Variants in MDFIC observed in about 807,000 individuals in gnomAD.
The protein encoded by MDFIC is MyoD family inhibitor domain containing, also known as myoD family inhibitor domain-containing protein.
In MDFIC, 17 loss-of-function variants were observed where a neutral mutation model predicts 23.2. The observed-to-expected ratio is 0.73, with a 90% CI of 0.50 to 1.10. MDFIC has a LOEUF of 1.10. MDFIC is among the 50% of genes least tolerant of loss of function. The pLI, the probability that MDFIC is intolerant of heterozygous loss-of-function variation, is 0.00. For missense variants in MDFIC, 356 were observed against 316.6 expected (o/e 1.12, Z -0.95); for synonymous variants, 120 against 115.2 (o/e 1.04, Z -0.27).
At chr7:114,931,012 T>C (rs1385783336) in intron 2 of MDFIC, among the ~76,000 whole-genome samples, 1 of 152,204 alleles carries the variant, frequency 6.6e-6, no homozygotes, top group Non-Finnish European at 1.5e-5. Flanking sequence ...GTGCTATGTA[T>C]ATGCACCAGT....
chr7:114,969,254 T>A (rs920567154), intron 3 of MDFIC, among the ~76,000 whole-genome samples: 9 of 152,342 alleles, frequency 5.9e-5, no homozygotes, highest in African/African-American at 1.9e-4. Context: ...AGGTGAAGGA[T>A]GAAGTTTATA....
At chr7:114,975,075 T>C (rs1037013110) in intron 3 of MDFIC, among the ~76,000 whole-genome samples, 1 of 152,070 alleles carries the variant, frequency 6.6e-6, no homozygotes, top group Non-Finnish European at 1.5e-5. Context: ...GCTAGTATTA[T>C]GGAGTAAATT....
intron 2 of MDFIC, among the ~76,000 whole-genome samples, chr7:114,931,075 C>G (rs1792299592): frequency 6.6e-6 from 1 of 151,410 alleles, no homozygotes; most frequent in African/African-American, 2.4e-5. Context: ...CCTCCTCCCT[C>G]TCTCTCTCTC....
intron 2 of MDFIC, among the ~76,000 whole-genome samples, chr7:114,928,656 T>A (rs1430062871): frequency 6.6e-6 from 1 of 152,220 alleles, no homozygotes; most frequent in African/African-American, 2.4e-5. Flanking sequence ...AGGGCCCTGA[T>A]TCTCTTGCTG....
chr7:114,937,723 C>T (rs750760483), intron 2 of MDFIC, among the ~76,000 whole-genome samples: 17 of 152,132 alleles, frequency 1.1e-4, no homozygotes, highest in Non-Finnish European at 2.4e-4. Flanking sequence ...TTGCCAGGGA[C>T]CTCGCCTTTT....
intron 4 of MDFIC, among the ~76,000 whole-genome samples, chr7:114,995,762 G>A (rs1486792977): frequency 6.6e-6 from 1 of 152,218 alleles, no homozygotes; most frequent in African/African-American, 2.4e-5. Flanking sequence ...CCTACTGGGG[G>A]GTGCCTCCCA....
chr7:114,987,545 C>T (rs537194620), intron 4 of MDFIC, among the ~76,000 whole-genome samples: 2 of 152,262 alleles, frequency 1.3e-5, no homozygotes, highest in African/African-American at 4.8e-5. Flanking sequence ...CCTTCCATCC[C>T]ATGTTACAAT....
chr7:115,006,669 G>A (rs2709498), intron 4 of MDFIC, among the ~76,000 whole-genome samples: 150,236 of 152,314 alleles, frequency 0.99, 74,126 homozygotes, highest in Middle Eastern at 1. Flanking sequence ...GATTTTTTGG[G>A]TTATTTTTAC....
At chr7:114,993,858 A>G (rs1456734866) in intron 4 of MDFIC, among the ~76,000 whole-genome samples, 4 of 152,150 alleles carry the variant, frequency 2.6e-5, no homozygotes, top group Non-Finnish European at 4.4e-5. Flanking sequence ...GTAGATGTCT[A>G]TTAGGTCTGT....
rs1234457227 is a variant in MDFIC, at chr7:115,016,457, AC to A, written c.*526del. 1.3e-5 allele frequency: 2 copies of A among 155,272 alleles called. No homozygotes were observed. Among genetic ancestry groups the A allele is most frequent in the African/African-American group, 4.8e-5 (2 of 41,376 alleles). The allele number at this position is 155,272 out of a possible 1,614,324, so 9.6% of individuals were successfully genotyped here. ...AGACCAGCCAGGGCAACATGGTGAAACCCCATCTCTACTAAAATACAAAAAG... is the reference window on the plus strand; with the variant it reads ...AGACCAGCCAGGGCAACATGGTGAAACCCATCTCTACTAAAATACAAAAAG... On this transcript the variant is annotated 3_prime_UTR_variant, in exon 5 of 5. Coordinates refer to ENST00000393486, the MANE Select transcript of MDFIC (RefSeq NM_001166345.3).
chr7:114,928,962 T>G (rs2115691013), intron 2 of MDFIC, among the ~76,000 whole-genome samples: 1 of 152,302 alleles, frequency 6.6e-6, no homozygotes, highest in African/African-American at 2.4e-5. Context: ...TTTTACTTAT[T>G]CATCTTTGAA....
intron 2 of MDFIC, among the ~76,000 whole-genome samples, chr7:114,926,889 T>G (rs917551968): frequency 6.6e-6 from 1 of 152,204 alleles, no homozygotes; most frequent in Non-Finnish European, 1.5e-5. Flanking sequence ...ATCCTTTTGA[T>G]TAAGGATGGC....
At chr7:114,930,610 T>A (rs922376925) in intron 2 of MDFIC, among the ~76,000 whole-genome samples, 1 of 152,202 alleles carries the variant, frequency 6.6e-6, no homozygotes, top group African/African-American at 2.4e-5. Context: ...CTTGTTGAGA[T>A]GATTTCATGG....
chr7:114,923,530 T>C (rs1393101797), intron 2 of MDFIC: 1 of 1,537,400 alleles, frequency 6.5e-7, no homozygotes, highest in Non-Finnish European at 8.7e-7. Flanking sequence ...CATCTTTCTG[T>C]TTCTTGTTGG....
chr7:114,982,899 G>A (rs1471480436), intron 4 of MDFIC, among the ~76,000 whole-genome samples: 1 of 152,174 alleles, frequency 6.6e-6, no homozygotes, highest in Admixed American at 6.5e-5. Context: ...TCACATGGCG[G>A]AAAGCAGAAG....
At chr7:114,997,028 G>A (rs1791347439) in intron 4 of MDFIC, among the ~76,000 whole-genome samples, 1 of 152,200 alleles carries the variant, frequency 6.6e-6, no homozygotes, top group African/African-American at 2.4e-5. Flanking sequence ...AAAAGCAACT[G>A]AGAAATCCAG....
chr7:115,005,083 A>G (rs994765720), intron 4 of MDFIC, among the ~76,000 whole-genome samples: 3 of 152,258 alleles, frequency 2.0e-5, no homozygotes, highest in South Asian at 2.1e-4. Context: ...AGATTTAACT[A>G]TCTATTAGTT....
At chr7:114,931,986 C>T (rs774150042) in intron 2 of MDFIC, among the ~76,000 whole-genome samples, 4 of 152,096 alleles carry the variant, frequency 2.6e-5, no homozygotes, top group Admixed American at 6.5e-5. Flanking sequence ...CCTGATCTTT[C>T]GGGTGTTTGT....
At chr7:114,973,233 G>T (rs866695612) in intron 3 of MDFIC, among the ~76,000 whole-genome samples, 134 of 152,034 alleles carry the variant, frequency 8.8e-4, no homozygotes, top group Middle Eastern at 3.4e-3. Context: ...GTTTAAATAG[G>T]ATAAAAGTTA....
Sources: gnomAD v4.1 joint callset for allele counts (sites outside exome capture counted in the v4.1 genomes callset) on GRCh38, gnomAD v4.1.1 for gene constraint, MANE v1.5 for transcripts, NCBI Gene and HGNC (gene_info 2026-07-23, HGNC 2026-07-21) for gene names.